Variants in GIGYF2 observed in about 807,000 individuals in gnomAD.
GIGYF2 encodes GRB10-interacting GYF protein 2.
In GIGYF2, 25 loss-of-function variants were observed where a neutral mutation model predicts 208.1. That is an observed-to-expected ratio of 0.12 (90% CI 0.09 to 0.17). The LOEUF (loss-of-function observed/expected upper bound fraction) is 0.17, where lower values mean the gene tolerates loss of function less well. Among genes scored for constraint, GIGYF2 ranks in the 10% least tolerant of loss-of-function variants. The pLI, the probability that GIGYF2 is intolerant of heterozygous loss-of-function variation, is 1.00. For synonymous variants in GIGYF2, 534 were observed against 543.8 expected, an observed-to-expected ratio of 0.98 and a Z score of 0.25; for missense variants, 1,302 against 1,579.4, an observed-to-expected ratio of 0.82 and a Z score of 2.98.
At chr2:232,734,017 A>T (rs1357219308) in intron 2 of GIGYF2, among the ~76,000 whole-genome samples, 1 of 151,826 alleles carries the variant, frequency 6.6e-6, no homozygotes, top group Non-Finnish European at 1.5e-5. Flanking sequence ...TACTTTTGAA[A>T]TGTCACTTGT....
intron 2 of GIGYF2, among the ~76,000 whole-genome samples, chr2:232,714,451 T>A (rs1168757295): frequency 6.6e-6 from 1 of 152,202 alleles, no homozygotes; most frequent in Non-Finnish European, 1.5e-5. Flanking sequence ...AGTCTTGGAA[T>A]ACATTGCTTT....
At chr2:232,712,695 C>A (rs531014509) in intron 2 of GIGYF2, among the ~76,000 whole-genome samples, 152 of 152,140 alleles carry the variant, frequency 1.0e-3, no homozygotes, top group Non-Finnish European at 1.9e-3. Context: ...ATTAAAAAAA[C>A]ACATCATGGA....
At chr2:232,757,772 CCCCG>C (rs1482904751) in intron 6 of GIGYF2, among the ~76,000 whole-genome samples, 1 of 135,614 alleles carries the variant, frequency 7.4e-6, no homozygotes, top group Non-Finnish European at 1.6e-5. Flanking sequence ...GAACAGCACC[CCCCG>C]CCCCCCGCCA....
chr2:232,787,507 A>G (rs76991576), intron 9 of GIGYF2, among the ~76,000 whole-genome samples, 178 bp downstream of exon 9: 1,556 of 152,076 alleles, frequency 0.01, 30 homozygotes, highest in African/African-American at 0.035. Context: ...TCCTACATCT[A>G]TTCAGTTGAT....
At chr2:232,851,078 TGGGAAGCTGAGGTAGGTG>T (rs1435771061) in intron 28 of GIGYF2, among the ~76,000 whole-genome samples, 2 of 152,150 alleles carry the variant, frequency 1.3e-5, no homozygotes, top group Admixed American at 1.3e-4. Context: ...TGGCTCACTT[TGGGAAGCTGAGGTAGGTG>T]GGTCACTTGA....
intron 14 of GIGYF2, among the ~76,000 whole-genome samples, chr2:232,804,080 C>G (rs776401735): frequency 2.1e-5 from 3 of 142,504 alleles, no homozygotes; most frequent in South Asian, 2.5e-4. Context: ...TAGACTGATT[C>G]TTCCCAGTTT....
chr2:232,794,711 T>C (rs1700171719), intron 12 of GIGYF2, 37 bp from the exon 13 acceptor site: 2 of 1,521,124 alleles, frequency 1.3e-6, no homozygotes, highest in Non-Finnish European at 1.8e-6. Flanking sequence ...GAAGTCTCTG[T>C]ATTTCAAAGG....
At chr2:232,701,554 T>C (rs1031691562) in intron 1 of GIGYF2, among the ~76,000 whole-genome samples, 1 of 151,622 alleles carries the variant, frequency 6.6e-6, no homozygotes. Context: ...CTCAGCCTCC[T>C]AAGTAACTGG....
intron 15 of GIGYF2, among the ~76,000 whole-genome samples, chr2:232,807,348 G>A (rs773189700): frequency 9.9e-5 from 15 of 152,114 alleles, no homozygotes; most frequent in Non-Finnish European, 1.8e-4. Flanking sequence ...GGACAACGAA[G>A]TGAGACCTGT....
At chr2:232,777,080 G>A (rs942424563) in intron 8 of GIGYF2, among the ~76,000 whole-genome samples, 1 of 151,750 alleles carries the variant, frequency 6.6e-6, no homozygotes, top group South Asian at 2.1e-4. Context: ...AGATAATTAC[G>A]TGAAATCTTT....
rs887762562 is a variant in GIGYF2, at chr2:232,806,288, G to T, written c.1640-203G>T. On this transcript the variant is annotated intron_variant, in intron 14 of 28. Transcript: ENST00000373563. This position sits in a 1 kb window ranked among gnomAD's most constrained non-coding sequence, Gnocchi z 4.0. ...TAATTGAAGTGCTGCTGATAATTTGGGATGTATAAACACAGACTTTATTTA... is the reference window on the plus strand; with the variant it reads ...TAATTGAAGTGCTGCTGATAATTTGTGATGTATAAACACAGACTTTATTTA... Among the ~76,000 whole-genome samples, 1 of 152,228 alleles carries T rather than the reference G, an allele frequency of 6.6e-6. No individual in the cohort carries two copies. The highest frequency in any genetic ancestry group is 1.9e-4 in the East Asian group (1 of 5,184).
At chr2:232,788,489 C>CAG (rs1181717723) in intron 9 of GIGYF2, 1 of 439,924 alleles carries the variant, frequency 2.3e-6, no homozygotes, top group Non-Finnish European at 4.8e-6. Context: ...TGTCCGTAGG[C>CAG]AGAGGGTTTG....
intron 3 of GIGYF2, among the ~76,000 whole-genome samples, chr2:232,742,048 TG>T (rs1697987814): frequency 6.6e-6 from 1 of 152,126 alleles, no homozygotes; most frequent in African/African-American, 2.4e-5. Context: ...CTCTCTACCC[TG>T]TTGGTGAAAA....
At chr2:232,785,317 G>A (rs1188861194) in intron 8 of GIGYF2, among the ~76,000 whole-genome samples, 2 of 152,132 alleles carry the variant, frequency 1.3e-5, no homozygotes, top group African/African-American at 4.8e-5. Context: ...TAGCCTAGCT[G>A]GGTGGTTCTG....
chr2:232,820,427 G>A (rs1701043525), intron 21 of GIGYF2, among the ~76,000 whole-genome samples: 2 of 150,140 alleles, frequency 1.3e-5, no homozygotes, highest in African/African-American at 4.9e-5. Context: ...CCATTCTCCT[G>A]CTTTAGCCTC....
At chr2:232,708,083 C>T (rs1205472618) in intron 2 of GIGYF2, among the ~76,000 whole-genome samples, 2 of 152,264 alleles carry the variant, frequency 1.3e-5, no homozygotes, top group African/African-American at 2.4e-5. Context: ...CCACCTCAGC[C>T]TCCTGAGTAT....
chr2:232,846,673 G>A (rs369249312), intron 26 of GIGYF2, among the ~76,000 whole-genome samples: 1 of 16,064 alleles, frequency 6.2e-5, no homozygotes, highest in Non-Finnish European at 1.3e-4. Flanking sequence ...CACCTACCAT[G>A]TGTGCTAGGC....
intron 2 of GIGYF2, among the ~76,000 whole-genome samples, chr2:232,732,058 A>G (rs913786330): frequency 2.0e-5 from 3 of 152,322 alleles, no homozygotes; most frequent in East Asian, 3.9e-4. Context: ...ACTTGGCATC[A>G]TAGAAGTCTC....
chr2:232,771,064 A>T (rs1382097055), intron 8 of GIGYF2: 1 of 1,613,984 alleles, frequency 6.2e-7, no homozygotes, highest in African/African-American at 1.3e-5. Flanking sequence ...GATATACTTG[A>T]CACAGATAGT....
Sources: allele counts gnomAD v4.1 joint callset (sites outside exome capture counted in the v4.1 genomes callset), GRCh38; gene constraint gnomAD v4.1.1; non-coding constraint Gnocchi (gnomAD v3.1); transcripts MANE v1.5; gene names NCBI Gene and HGNC (gene_info 2026-07-23, HGNC 2026-07-21).